Variants in NLGN1 observed in about 807,000 individuals in gnomAD.
The protein encoded by NLGN1 is neuroligin-1.
Under a neutral mutation model 65.5 loss-of-function variants are expected in NLGN1, and 12 were observed. That is an observed-to-expected ratio of 0.18 (90% CI 0.12 to 0.30). NLGN1 has a LOEUF of 0.30. Ranked by LOEUF, NLGN1 falls within the 10% of genes least tolerant of loss-of-function variation. The probability of loss-of-function intolerance (pLI) is 1.00; values close to 1 mark genes in which losing one functional copy is unlikely to be tolerated. For missense variants in NLGN1, 750 were observed against 1,007.1 expected (o/e 0.74, Z 3.46); for synonymous variants, 350 against 359.5 (o/e 0.97, Z 0.30).
intron 4 of NLGN1, among the ~76,000 whole-genome samples, chr3:174,122,036 TAAGTA>T (rs2152647962): frequency 6.6e-6 from 1 of 152,336 alleles, no homozygotes; most frequent in South Asian, 2.1e-4. Flanking sequence ...CCGTCTTTCC[TAAGTA>T]AAGACTTCTC....
intron 3 of NLGN1, among the ~76,000 whole-genome samples, chr3:173,744,713 A>T (rs1317257573): frequency 6.6e-6 from 1 of 152,124 alleles, no homozygotes; most frequent in East Asian, 1.9e-4. Flanking sequence ...GTAAATCATT[A>T]AATTTTGCTA....
intron 3 of NLGN1, among the ~76,000 whole-genome samples, chr3:173,673,947 T>C (rs543480301): frequency 3.3e-5 from 5 of 152,236 alleles, no homozygotes; most frequent in Non-Finnish European, 5.9e-5. Flanking sequence ...GAGGATTCCA[T>C]TGGTTACTTG....
At chr3:173,678,341 A>G (rs1452440112) in intron 3 of NLGN1, among the ~76,000 whole-genome samples, 1 of 152,076 alleles carries the variant, frequency 6.6e-6, no homozygotes, top group Admixed American at 6.6e-5. Context: ...TAATTACTAC[A>G]CAGATTAAGG....
chr3:173,960,315 A>G (rs1019574969), intron 4 of NLGN1, among the ~76,000 whole-genome samples: 3 of 152,030 alleles, frequency 2.0e-5, no homozygotes, highest in Non-Finnish European at 4.4e-5. Flanking sequence ...AAATATTTGC[A>G]GATAAAAATT....
rs71162356 is a variant in NLGN1 at position 173,734,381 on chromosome 3, A to ATTTTTTTTTTTTTT, written c.494-73280_494-73267dup. 2.8e-3 allele frequency among the ~76,000 whole-genome samples: 113 copies of ATTTTTTTTTTTTTT among 40,086 alleles called. 4 individuals carry two copies. Among genetic ancestry groups the ATTTTTTTTTTTTTT allele is most frequent in the East Asian group, 8.1e-3 (8 of 992 alleles). 26.3% of individuals were successfully genotyped at this position (40,086 alleles called of 152,430 possible). A position where few individuals can be genotyped will look rare whatever the true frequency, so the allele number is the denominator to read the frequency against. ...ATAATTAGATTCTGTGGATAATTCTATTTTTTTTTTTTTTTTTTTTTTTTT... is the reference window on the plus strand; with the variant it reads ...ATAATTAGATTCTGTGGATAATTCTATTTTTTTTTTTTTTTTTTTTTTTTTTTTTTTTTTTTTTT... On this transcript the variant is annotated intron_variant, in intron 3 of 6. Transcript: ENST00000457714.
intron 4 of NLGN1, among the ~76,000 whole-genome samples, chr3:174,232,202 G>T (rs1014322367): frequency 1.3e-5 from 2 of 152,244 alleles, no homozygotes; most frequent in Non-Finnish European, 2.9e-5. Context: ...TCAAAGGGGG[G>T]TTGTTCTCTG....
In NLGN1 at chr3:173,697,936, A is replaced by AT. The variant is rs199832238; in HGVS notation, c.493+92852dup. Among the ~76,000 whole-genome samples the AT allele has an allele frequency of 2.7e-3, 403 of 151,994 alleles. 4 individuals are homozygous for AT. In the East Asian group the frequency reaches 0.029, roughly 11 times the overall value. The stretch of plus-strand genomic sequence containing the variant: ...ATGTGCACTTTTTAGTAATACATTA[A>AT]TTTTTTTAGATTATTGGGGCCATTT... On this transcript the variant is annotated intron_variant, in intron 3 of 6. Coordinates refer to ENST00000457714, the Ensembl canonical transcript of NLGN1.
At chr3:173,814,065 C>G (rs914831620) in intron 4 of NLGN1, among the ~76,000 whole-genome samples, 1 of 152,242 alleles carries the variant, frequency 6.6e-6, no homozygotes, top group Non-Finnish European at 1.5e-5. Context: ...CACGGACGAC[C>G]GTGACTTCCC....
At chr3:174,149,980 A>G (rs1353027223) in intron 4 of NLGN1, among the ~76,000 whole-genome samples, 1 of 152,158 alleles carries the variant, frequency 6.6e-6, no homozygotes, top group African/African-American at 2.4e-5. Flanking sequence ...AAATTACACC[A>G]CTTATTGATT....
At chr3:174,016,930 G>A (rs1726680098) in intron 4 of NLGN1, among the ~76,000 whole-genome samples, 1 of 152,086 alleles carries the variant, frequency 6.6e-6, no homozygotes. Context: ...GCAGAGAAGG[G>A]AAAGATGAAA....
chr3:174,171,410 C>T (rs772900027), intron 4 of NLGN1, among the ~76,000 whole-genome samples: 5 of 152,058 alleles, frequency 3.3e-5, no homozygotes, highest in Non-Finnish European at 7.4e-5. Context: ...GCCCCTTCTG[C>T]GTCATTTTCC....
intron 4 of NLGN1, among the ~76,000 whole-genome samples, chr3:174,242,103 T>G (rs972826109): frequency 6.6e-6 from 1 of 152,154 alleles, no homozygotes; most frequent in African/African-American, 2.4e-5. Context: ...GGGTTCAAAT[T>G]AAGACCCTAC....
intron 3 of NLGN1, among the ~76,000 whole-genome samples, chr3:173,695,105 C>T (rs1043372449): frequency 1.3e-5 from 2 of 152,024 alleles, no homozygotes; most frequent in Admixed American, 1.3e-4. Flanking sequence ...TAAAATTAGT[C>T]ATTTTTTTAA....
At chr3:173,693,349 T>C (rs998054554) in intron 3 of NLGN1, among the ~76,000 whole-genome samples, 9 of 152,082 alleles carry the variant, frequency 5.9e-5, no homozygotes, top group African/African-American at 2.2e-4. Flanking sequence ...TTATTGCAAA[T>C]TCCTTCATGA....
Position 173,519,964 on chromosome 3 carries a change from A to G in NLGN1, c.-320-84315A>G, listed in dbSNP as rs1034824776. ...AGTGTTGGAGGTGGGACCTGGTAGA[A>G]TCATGGGACGGAGTTATCATGAATG... is the stretch of plus-strand genomic sequence containing the variant. On this transcript the variant is annotated intron_variant, in intron 2 of 6. Coordinates refer to ENST00000457714, the Ensembl canonical transcript of NLGN1. 2.6e-5 allele frequency among the ~76,000 whole-genome samples: 4 copies of G among 152,244 alleles called. No homozygotes were observed. In the South Asian group the frequency reaches 8.3e-4, roughly 32 times the overall value.
intron 4 of NLGN1, among the ~76,000 whole-genome samples, chr3:174,105,725 A>G (rs182706164): frequency 2.0e-5 from 3 of 152,154 alleles, no homozygotes; most frequent in Admixed American, 1.3e-4. Flanking sequence ...AGATATATAT[A>G]TATCTTACTC....
intron 3 of NLGN1, among the ~76,000 whole-genome samples, chr3:173,803,587 C>A (rs1029118248): frequency 6.6e-6 from 1 of 151,978 alleles, no homozygotes; most frequent in East Asian, 1.9e-4. Flanking sequence ...CAGCCTGGGC[C>A]GCAGAATGAG....
chr3:173,426,368 G>A (rs1443249082), intron 1 of NLGN1, among the ~76,000 whole-genome samples: 3 of 151,734 alleles, frequency 2.0e-5, no homozygotes, highest in Non-Finnish European at 4.4e-5. Context: ...CTGCTATGAT[G>A]TTGAATAAAA....
intron 4 of NLGN1, among the ~76,000 whole-genome samples, chr3:173,890,747 G>GTC (rs1735178595): frequency 6.6e-6 from 1 of 152,140 alleles, no homozygotes; most frequent in African/African-American, 2.4e-5. Flanking sequence ...CCATAGCGTG[G>GTC]TCTCTAATGG....
Sources: allele counts gnomAD v4.1 joint callset (sites outside exome capture counted in the v4.1 genomes callset), GRCh38; gene constraint gnomAD v4.1.1; transcripts MANE v1.5; gene names NCBI Gene and HGNC (gene_info 2026-07-23, HGNC 2026-07-21).